Variants in KIFAP3 observed in about 807,000 individuals in gnomAD.
KIFAP3 encodes the protein kinesin-associated protein 3.
A neutral mutation model predicts 106.5 loss-of-function variants in KIFAP3; 68 were observed. The ratio of observed to expected loss-of-function variants is 0.64; its 90% CI spans 0.53 to 0.78. The LOEUF is 0.78. KIFAP3 is among the 30% of genes least tolerant of loss of function. The pLI is 0.00. For synonymous variants in KIFAP3, 320 were observed against 311.5 expected (o/e 1.03, Z -0.29); for missense variants, 780 against 941.8 (o/e 0.83, Z 2.25).
chr1:170,031,754 T>A, intron 8 of KIFAP3, 132 bp downstream of exon 8: 1 of 591,448 alleles, frequency 1.7e-6, no homozygotes, highest in East Asian at 2.6e-5. Context: ...CAGACGAACT[T>A]GTAGCATATT....
chr1:170,064,229 A>G (rs960664966), intron 1 of KIFAP3, among the ~76,000 whole-genome samples: 9 of 152,064 alleles, frequency 5.9e-5, no homozygotes, highest in Non-Finnish European at 1.3e-4. Context: ...CTATCTTTAT[A>G]CCTTTTCTAT....
chr1:169,928,981 A>G lies in KIFAP3; in HGVS notation c.2274-7200T>C, dbSNP rs140300632. On this transcript the variant is annotated intron_variant, in intron 19 of 19. Transcript: ENST00000361580. Reference sequence around the variant, plus strand: ...ATATTTTCTCCTTGAAATTCTTACAATAAGAAGAGATGTGCAGGTTGAACG... The same window carrying G: ...ATATTTTCTCCTTGAAATTCTTACAGTAAGAAGAGATGTGCAGGTTGAACG... Among the ~76,000 whole-genome samples, 4 of 152,262 alleles carry G rather than the reference A, an allele frequency of 2.6e-5. No homozygotes were observed. In the East Asian group the frequency reaches 7.7e-4, roughly 29 times the overall value.
At chr1:170,037,151 A>T (rs1669731714) in intron 5 of KIFAP3, among the ~76,000 whole-genome samples, 1 of 152,240 alleles carries the variant, frequency 6.6e-6, no homozygotes, top group Non-Finnish European at 1.5e-5. Flanking sequence ...AAGGAAAGGG[A>T]ACACTAAAAC....
intron 3 of KIFAP3, among the ~76,000 whole-genome samples, chr1:170,042,471 T>C (rs1255382560): frequency 1.3e-5 from 2 of 152,200 alleles, no homozygotes; most frequent in East Asian, 1.9e-4. Context: ...TTTTGATTAA[T>C]AGGAGAAAAA....
At chr1:170,065,506 T>C (rs981347708) in intron 1 of KIFAP3, among the ~76,000 whole-genome samples, 1 of 146,978 alleles carries the variant, frequency 6.8e-6, no homozygotes, top group Admixed American at 7.0e-5. Context: ...CCCAGCTACT[T>C]GGGAGGCTGA....
chr1:170,007,219 A>C (rs1668010763), intron 10 of KIFAP3, among the ~76,000 whole-genome samples: 1 of 151,840 alleles, frequency 6.6e-6, no homozygotes, highest in Non-Finnish European at 1.5e-5. Flanking sequence ...TGGGAGTGAC[A>C]GCCTGATTGG....
intron 9 of KIFAP3, 57 bp downstream of exon 9, chr1:170,024,361 A>T: frequency 8.6e-7 from 1 of 1,165,436 alleles, no homozygotes; most frequent in Admixed American, 2.5e-5. Flanking sequence ...TTTTCAAAAT[A>T]TTCTAACTTG....
intron 19 of KIFAP3, among the ~76,000 whole-genome samples, chr1:169,940,298 G>A (rs1335011534): frequency 6.6e-6 from 1 of 152,172 alleles, no homozygotes; most frequent in East Asian, 1.9e-4. Flanking sequence ...GATAAGGGAT[G>A]TAATAAATAG....
At chr1:169,923,542 A>G (rs1662941661) in intron 19 of KIFAP3, among the ~76,000 whole-genome samples, 1 of 152,218 alleles carries the variant, frequency 6.6e-6, no homozygotes, top group African/African-American at 2.4e-5. Context: ...GTCTTCAACC[A>G]GTCCTTATCT....
intron 9 of KIFAP3, among the ~76,000 whole-genome samples, chr1:170,018,478 G>T (rs1306989052): frequency 4.0e-5 from 6 of 151,714 alleles, no homozygotes; most frequent in Admixed American, 2.6e-4. Flanking sequence ...AACATCTCAC[G>T]TCTTTTAGTT....
intron 10 of KIFAP3, 85 bp downstream of exon 10, chr1:170,016,377 C>T: frequency 1.6e-5 from 16 of 1,014,296 alleles, no homozygotes; most frequent in Middle Eastern, 2.0e-4. Flanking sequence ...GCTTTTTGTT[C>T]AGGAGGCTTT....
intron 10 of KIFAP3, among the ~76,000 whole-genome samples, chr1:170,015,731 G>A (rs1405237728): frequency 6.6e-6 from 1 of 152,126 alleles, no homozygotes; most frequent in Non-Finnish European, 1.5e-5. Flanking sequence ...TATATGCTGG[G>A]AACTGGCAGG....
intron 17 of KIFAP3, among the ~76,000 whole-genome samples, chr1:169,963,379 G>A (rs879921429): frequency 1.3e-5 from 2 of 152,264 alleles, no homozygotes; most frequent in South Asian, 2.1e-4. Flanking sequence ...TTGATTACAC[G>A]TCTTTGCTTA....
At chr1:170,078,542 A>G (rs1380942800), upstream of KIFAP3, among the ~76,000 whole-genome samples, 2 of 152,328 alleles carry the variant, frequency 1.3e-5, no homozygotes, top group East Asian at 1.9e-4. Context: ...GAACAACTTT[A>G]TACTAATAAA....
intron 10 of KIFAP3, among the ~76,000 whole-genome samples, chr1:170,016,236 T>C (rs1668510003): frequency 6.6e-6 from 1 of 152,160 alleles, no homozygotes; most frequent in Non-Finnish European, 1.5e-5. Context: ...TATGGATAAA[T>C]GAAGTCAAAG....
intron 19 of KIFAP3, among the ~76,000 whole-genome samples, chr1:169,922,548 G>T (rs1662885127): frequency 6.6e-6 from 1 of 152,136 alleles, no homozygotes; most frequent in Non-Finnish European, 1.5e-5. Context: ...AAAATTACTT[G>T]TTGGTCTATT....
chr1:169,980,206 C>T (rs1361230516), intron 15 of KIFAP3, among the ~76,000 whole-genome samples: 1 of 152,120 alleles, frequency 6.6e-6, no homozygotes, highest in Admixed American at 6.5e-5. Context: ...TATGCTTACA[C>T]TGAAAATACA....
At chr1:169,956,265 C>T (rs896450074) in intron 18 of KIFAP3, among the ~76,000 whole-genome samples, 1 of 151,712 alleles carries the variant, frequency 6.6e-6, no homozygotes, top group African/African-American at 2.4e-5. Flanking sequence ...TAAATAAAGC[C>T]AAATGAAAAG....
chr1:170,042,600 T>C (rs1259179916), intron 3 of KIFAP3, among the ~76,000 whole-genome samples: 2 of 152,246 alleles, frequency 1.3e-5, no homozygotes, highest in Non-Finnish European at 2.9e-5. Context: ...GTGTTCTTCA[T>C]AAAGGGGAGG....
Sources: gnomAD v4.1 joint callset for allele counts (sites outside exome capture counted in the v4.1 genomes callset) on GRCh38, gnomAD v4.1.1 for gene constraint, MANE v1.5 for transcripts, NCBI Gene and HGNC (gene_info 2026-07-23, HGNC 2026-07-21) for gene names.